ARHGEF38: variants seen among roughly 807,000 people sequenced by gnomAD.
The protein encoded by ARHGEF38 is Rho guanine nucleotide exchange factor 38, also known as Rho guanine nucleotide exchange factor (GEF) 38.
In ARHGEF38, 79 loss-of-function variants were observed where a neutral mutation model predicts 79.9. That is an observed-to-expected ratio of 0.99 (90% CI 0.82 to 1.19). ARHGEF38 has a LOEUF of 1.19. Ranked by LOEUF, ARHGEF38 falls within the 50% of genes most tolerant of loss-of-function variation. ARHGEF38 has a pLI of 0.00. For missense variants in ARHGEF38, 962 were observed against 907.2 expected, an observed-to-expected ratio of 1.06 and a Z score of -0.78; for synonymous variants, 366 against 328.3, an observed-to-expected ratio of 1.11 and a Z score of -1.24.
At chr4:105,665,535 C>T (rs183572138) in intron 10 of ARHGEF38, among the ~76,000 whole-genome samples, 19 of 151,996 alleles carry the variant, frequency 1.3e-4, no homozygotes, top group African/African-American at 4.6e-4. Flanking sequence ...CTCCAGGGCT[C>T]GAGTGATCTT....
At chr4:105,584,740 A>C (rs544100811) in intron 1 of ARHGEF38, among the ~76,000 whole-genome samples, 1 of 152,332 alleles carries the variant, frequency 6.6e-6, no homozygotes, top group East Asian at 1.9e-4. Flanking sequence ...ACAAAGAAAG[A>C]AAGAAAGAAA....
intron 1 of ARHGEF38, among the ~76,000 whole-genome samples, chr4:105,555,238 A>C (rs896466740): frequency 9.9e-5 from 15 of 152,140 alleles, no homozygotes; most frequent in African/African-American, 3.6e-4. Flanking sequence ...GAGAAAAATC[A>C]CCAAGAAGTA....
intron 1 of ARHGEF38, among the ~76,000 whole-genome samples, chr4:105,564,712 A>G (rs1477503993): frequency 6.6e-6 from 1 of 152,242 alleles, no homozygotes; most frequent in African/African-American, 2.4e-5. Context: ...AATGGAATGT[A>G]AGGCTTTTCC....
chr4:105,594,952 C>CT (rs139342581), intron 2 of ARHGEF38, among the ~76,000 whole-genome samples: 1 of 152,228 alleles, frequency 6.6e-6, no homozygotes, highest in African/African-American at 2.4e-5. Flanking sequence ...GAGAGATACT[C>CT]TATGTTTTTG....
rs1725561691 is a variant in ARHGEF38 at position 105,561,444 on chromosome 4, A to AGAATAGAATGGAATG, written c.196+8487_196+8488insAGAATGGAATGGAAT. ...AGAATGGAATAGAATAGAATAGAAT[A>AGAATAGAATGGAATG]GAATGGAATAGAATAGAATAGAATA... On this transcript the variant is annotated intron_variant, in intron 1 of 13. Transcript: ENST00000420470. The AGAATAGAATGGAATG allele has an allele frequency of 8.6e-4, 37 of 43,004 alleles. 4 individuals carry two copies. The highest frequency in any genetic ancestry group is 2.2e-3 in the South Asian group (3 of 1,356). The allele number at this position is 43,004 out of a possible 1,614,324, so 2.7% of individuals were successfully genotyped here.
chr4:105,583,995 C>T (rs1301069731), intron 1 of ARHGEF38, among the ~76,000 whole-genome samples: 1 of 151,978 alleles, frequency 6.6e-6, no homozygotes, highest in Non-Finnish European at 1.5e-5. Flanking sequence ...AGTATGTTCC[C>T]TTTTCCCACT....
At chr4:105,632,980 G>A (rs1560735222) in intron 4 of ARHGEF38, 1 of 152,668 alleles carries the variant, frequency 6.6e-6, no homozygotes, top group Admixed American at 6.5e-5. Context: ...AAAGGCAGAG[G>A]TGATTTTAGA....
In ARHGEF38 at chr4:105,613,372, T is replaced by C; in HGVS notation, c.385-12T>C. 1 of 1,611,176 alleles carries C rather than the reference T, an allele frequency of 6.2e-7. No homozygotes were observed. Among genetic ancestry groups the C allele is most frequent in the South Asian group, 1.1e-5 (1 of 90,424 alleles). ...TGCTTCTCCATCAGCTCAATGTTTTTTGTTTCTTCAGACTGATAGGCTGGA... is the reference window on the plus strand; with the variant it reads ...TGCTTCTCCATCAGCTCAATGTTTTCTGTTTCTTCAGACTGATAGGCTGGA... On this transcript the variant is annotated splice_polypyrimidine_tract_variant and intron_variant, in intron 2 of 13. Transcript: ENST00000420470.
intron 2 of ARHGEF38, among the ~76,000 whole-genome samples, chr4:105,599,143 G>T (rs1268006858): frequency 1.3e-5 from 2 of 152,062 alleles, no homozygotes; most frequent in African/African-American, 2.4e-5. Context: ...TTTATGGGAA[G>T]GAAATCTCTT....
chr4:105,675,436 TAAA>T (rs905090767), intron 13 of ARHGEF38, among the ~76,000 whole-genome samples: 1 of 152,206 alleles, frequency 6.6e-6, no homozygotes, highest in African/African-American at 2.4e-5. Flanking sequence ...CTTCTTTACT[TAAA>T]AAAATTATGT....
chr4:105,628,711 G>GCACACAAACACACACACACT (rs1296624763), intron 3 of ARHGEF38, among the ~76,000 whole-genome samples: 7 of 150,488 alleles, frequency 4.7e-5, no homozygotes, highest in African/African-American at 1.7e-4. Context: ...ACACACACAT[G>GCACACAAACACACACACACT]CACACAAACA....
intron 13 of ARHGEF38, among the ~76,000 whole-genome samples, chr4:105,671,820 A>G (rs1256463033): frequency 6.6e-6 from 1 of 152,176 alleles, no homozygotes; most frequent in Non-Finnish European, 1.5e-5. Flanking sequence ...ATCAGCTGAA[A>G]CTTGTACTGG....
intron 5 of ARHGEF38, among the ~76,000 whole-genome samples, chr4:105,637,140 C>T (rs1026213015): frequency 5.3e-5 from 8 of 151,994 alleles, no homozygotes; most frequent in Admixed American, 3.9e-4. Flanking sequence ...TGTGTGTTTG[C>T]TTGTGTGTGT....
intron 1 of ARHGEF38, among the ~76,000 whole-genome samples, chr4:105,577,938 T>A (rs1385818753): frequency 6.6e-6 from 1 of 152,188 alleles, no homozygotes; most frequent in Non-Finnish European, 1.5e-5. Flanking sequence ...TCTGCTCTGA[T>A]CTTTGTTATT....
At chr4:105,592,399 G>A (rs935291862) in intron 2 of ARHGEF38, among the ~76,000 whole-genome samples, 20 of 151,702 alleles carry the variant, frequency 1.3e-4, no homozygotes, top group Non-Finnish European at 2.6e-4. Flanking sequence ...CCACTGGTAC[G>A]ATTTCTGACA....
intron 1 of ARHGEF38, among the ~76,000 whole-genome samples, chr4:105,574,680 T>C (rs1345008554): frequency 6.6e-6 from 1 of 152,184 alleles, no homozygotes; most frequent in Non-Finnish European, 1.5e-5. Context: ...TGGCTTTTAT[T>C]ATGTTAAGGC....
intron 5 of ARHGEF38, among the ~76,000 whole-genome samples, chr4:105,636,623 T>A (rs1023386024): frequency 6.6e-6 from 1 of 152,030 alleles, no homozygotes; most frequent in Non-Finnish European, 1.5e-5. Context: ...CCAAACCTTT[T>A]AGAAGAATCC....
chr4:105,618,780 A>G (rs1046565502), intron 3 of ARHGEF38, among the ~76,000 whole-genome samples: 2 of 152,304 alleles, frequency 1.3e-5, no homozygotes, highest in Admixed American at 6.5e-5. Flanking sequence ...CTCCCCAAGT[A>G]ATTATTAACC....
chr4:105,675,870 C>A (rs1178637037), intron 13 of ARHGEF38, among the ~76,000 whole-genome samples: 1 of 152,164 alleles, frequency 6.6e-6, no homozygotes, highest in Non-Finnish European at 1.5e-5. Context: ...AGAAACCAAT[C>A]CCATTCAGGA....
Sources: gnomAD v4.1 joint callset for allele counts (sites outside exome capture counted in the v4.1 genomes callset) on GRCh38, gnomAD v4.1.1 for gene constraint, MANE v1.5 for transcripts, NCBI Gene and HGNC (gene_info 2026-07-23, HGNC 2026-07-21) for gene names.